COL5A1: variants seen among roughly 807,000 people sequenced by gnomAD.
COL5A1 encodes the protein collagen alpha-1(V) chain.
In COL5A1, 16 loss-of-function variants were observed where a neutral mutation model predicts 263.7. That is an observed-to-expected ratio of 0.06 (90% CI 0.04 to 0.09). COL5A1 has a LOEUF of 0.09. Among genes scored for constraint, COL5A1 ranks in the 10% least tolerant of loss-of-function variants. The pLI is 1.00. For synonymous variants in COL5A1, 1,012 were observed against 1,004.5 expected (o/e 1.01, Z -0.14); for missense variants, 2,036 against 2,540.5 (o/e 0.80, Z 4.27).
chr9:134,733,125 A>G (rs376305202), intron 9 of COL5A1, among the ~76,000 whole-genome samples: 93 of 152,322 alleles, frequency 6.1e-4, no homozygotes, highest in African/African-American at 2.2e-3. Flanking sequence ...GCCAGGACTC[A>G]GTTCCTGAGG....
At chr9:134,813,535 C>T (rs564585593) in intron 48 of COL5A1, among the ~76,000 whole-genome samples, 5 of 152,322 alleles carry the variant, frequency 3.3e-5, no homozygotes, top group South Asian at 4.1e-4. Context: ...TCCTTGGTGT[C>T]CCCGCTGTAG....
rs1836162225 is a variant in COL5A1 at position 134,759,491 on chromosome 9, A to G, written c.1935+1195A>G. On this transcript the variant is annotated intron_variant, in intron 18 of 65. Coordinates refer to ENST00000371817, the MANE Select transcript of COL5A1 (RefSeq NM_000093.5). ...CGCACACACACCCACACACACCCAC[A>G]CTCATACACACATGCACACACACAT... Among the ~76,000 whole-genome samples, 2 of 110,108 alleles carry G rather than the reference A, an allele frequency of 1.8e-5. 1 individual carries two copies. The highest frequency in any genetic ancestry group is 7.8e-4 in the East Asian group (2 of 2,552). The allele number at this position is 110,108 out of a possible 152,430, so 72.2% of individuals were successfully genotyped here. A position where few individuals can be genotyped will look rare whatever the true frequency, so the allele number is the denominator to read the frequency against.
At chr9:134,740,420 A>C (rs1199563195) in intron 11 of COL5A1, among the ~76,000 whole-genome samples, 20 of 152,122 alleles carry the variant, frequency 1.3e-4, no homozygotes, top group Admixed American at 1.3e-3. Context: ...ATGGGTCCAC[A>C]GGTGTGGCTG....
In COL5A1 at chr9:134,790,429, C is replaced by G. The variant is rs1424107363; in HGVS notation, c.2700+1221C>G. 2.3e-3 allele frequency among the ~76,000 whole-genome samples: 255 copies of G among 112,484 alleles called. 3 individuals carry two copies. The highest frequency in any genetic ancestry group is 8.6e-3 in the African/African-American group (246 of 28,712). The allele number at this position is 112,484 out of a possible 152,430, so 73.8% of individuals were successfully genotyped here. A position where few individuals can be genotyped will look rare whatever the true frequency, so the allele number is the denominator to read the frequency against. ...AGCCACCCAGCCATCCAGCCACCCA[C>G]CCATCCATCCATCCACCCACTCACC... On this transcript the variant is annotated intron_variant, in intron 32 of 65. Coordinates refer to ENST00000371817, the MANE Select transcript of COL5A1 (RefSeq NM_000093.5).
At chr9:134,688,040 G>A (rs1833139249) in intron 1 of COL5A1, among the ~76,000 whole-genome samples, 3 of 152,258 alleles carry the variant, frequency 2.0e-5, no homozygotes, top group Admixed American at 1.3e-4. Flanking sequence ...GCTCCTCCTG[G>A]GCTCTCCCCA....
intron 4 of COL5A1, among the ~76,000 whole-genome samples, chr9:134,709,585 G>A (rs867573641): frequency 3.3e-5 from 5 of 152,228 alleles, no homozygotes; most frequent in South Asian, 2.1e-4. Context: ...CACCCAGCAA[G>A]GAGGGGTCCA....
intron 18 of COL5A1, among the ~76,000 whole-genome samples, chr9:134,759,609 C>T (rs1399191930): frequency 7.4e-6 from 1 of 135,056 alleles, no homozygotes; most frequent in Admixed American, 7.4e-5. Context: ...CCCACACCCC[C>T]ACACACATAT....
intron 1 of COL5A1, among the ~76,000 whole-genome samples, chr9:134,688,614 C>T (rs187621947): frequency 1.4e-3 from 219 of 152,284 alleles, no homozygotes; most frequent in African/African-American, 4.8e-3. Flanking sequence ...GCTTGGCAGC[C>T]GAAAGCCACC....
At chr9:134,643,743 T>C (rs1330177518) in intron 1 of COL5A1, among the ~76,000 whole-genome samples, 1 of 152,004 alleles carries the variant, frequency 6.6e-6, no homozygotes, top group Non-Finnish European at 1.5e-5. Flanking sequence ...AGAAGGAAGG[T>C]GTGGTCAGGG....
chr9:134,760,134 TCA>T (rs1489829799), intron 18 of COL5A1, among the ~76,000 whole-genome samples: 3 of 48,658 alleles, frequency 6.2e-5, no homozygotes, highest in Admixed American at 3.2e-4. Flanking sequence ...ACCCCCACAC[TCA>T]CATGTGCAGA....
At chr9:134,783,997 G>A (rs756330292) in intron 29 of COL5A1, among the ~76,000 whole-genome samples, 41 of 152,196 alleles carry the variant, frequency 2.7e-4, no homozygotes, top group Non-Finnish European at 4.6e-4. Context: ...CCAGGGCTCC[G>A]AGAGTGGAGC....
chr9:134,780,071 T>C (rs1194822370), intron 27 of COL5A1, 31 bp from the exon 28 acceptor site: 2 of 1,613,140 alleles, frequency 1.2e-6, no homozygotes, highest in Non-Finnish European at 1.7e-6. Flanking sequence ...CTTGTAACCA[T>C]TCACTCCTTT....
At chr9:134,776,126 T>C (rs928783410) in intron 27 of COL5A1, among the ~76,000 whole-genome samples, 2 of 152,124 alleles carry the variant, frequency 1.3e-5, no homozygotes, top group Admixed American at 6.5e-5. Flanking sequence ...CCTTCCAAGT[T>C]CACGAGGTAT....
chr9:134,770,549 T>C (rs1836833560), intron 25 of COL5A1, among the ~76,000 whole-genome samples: 1 of 152,224 alleles, frequency 6.6e-6, no homozygotes, highest in African/African-American at 2.4e-5. Flanking sequence ...AAAATAGATC[T>C]ACCATGCCAA....
At chr9:134,805,967 C>T (rs1218919136) in intron 41 of COL5A1, among the ~76,000 whole-genome samples, 2 of 152,118 alleles carry the variant, frequency 1.3e-5, no homozygotes, top group African/African-American at 4.8e-5. Flanking sequence ...ACAGGGCACA[C>T]TGTCAGACAC....
intron 48 of COL5A1, among the ~76,000 whole-genome samples, chr9:134,813,288 T>C (rs1300608908): frequency 2.0e-5 from 3 of 152,068 alleles, no homozygotes; most frequent in Non-Finnish European, 4.4e-5. Context: ...TTTGCCTGAC[T>C]GCAAAAGCAC....
At chr9:134,829,553 C>T (rs1187658098) in intron 63 of COL5A1, among the ~76,000 whole-genome samples, 2 of 149,168 alleles carry the variant, frequency 1.3e-5, no homozygotes, top group African/African-American at 2.5e-5. Flanking sequence ...AGCCTCCGGT[C>T]TCCCCGAGGG....
intron 7 of COL5A1, among the ~76,000 whole-genome samples, chr9:134,730,994 C>T (rs1044559784): frequency 3.3e-5 from 5 of 152,322 alleles, no homozygotes; most frequent in Admixed American, 1.3e-4. Flanking sequence ...CTGGACCTCG[C>T]GGTTCTCCTT....
At chr9:134,747,605 G>A (rs984694515) in intron 11 of COL5A1, among the ~76,000 whole-genome samples, 14 of 148,300 alleles carry the variant, frequency 9.4e-5, no homozygotes, top group African/African-American at 3.0e-4. Context: ...GCATTCACAC[G>A]CACATTCACA....
Sources: gnomAD v4.1 joint callset for allele counts (sites outside exome capture counted in the v4.1 genomes callset) on GRCh38, gnomAD v4.1.1 for gene constraint, MANE v1.5 for transcripts, NCBI Gene and HGNC (gene_info 2026-07-23, HGNC 2026-07-21) for gene names.